The following CDC20B variants were observed in gnomAD, a reference collection of about 807,000 sequenced individuals.
The protein encoded by CDC20B is cell division cycle 20B.
Under a neutral mutation model 64.1 loss-of-function variants are expected in CDC20B, and 58 were observed. That is an observed-to-expected ratio of 0.90 (90% CI 0.73 to 1.13). CDC20B has a LOEUF of 1.13. CDC20B is among the 50% of genes most tolerant of loss of function. The pLI, the probability that CDC20B is intolerant of heterozygous loss-of-function variation, is 0.00. For missense variants in CDC20B, 597 were observed against 633.0 expected (o/e 0.94, Z 0.61); for synonymous variants, 243 against 230.6 (o/e 1.05, Z -0.49).
At position 55,140,375 on chromosome 5, in the gene CDC20B, G is replaced by C. The variant is rs148103908; in HGVS notation, c.519C>G (p.Asn173Lys). 6.2e-7 allele frequency: 1 copy of C among 1,613,070 alleles called. No individual in the cohort carries two copies. The highest frequency in any genetic ancestry group is 1.1e-5 in the South Asian group (1 of 90,908). Residue 173 changes from asparagine (N) to lysine (K), a missense_variant, in exon 5 of 12, where the codon AAC becomes AAG. Physicochemically the swap from Asn to Lys is moderately conservative, Grantham distance 94. Coordinates refer to ENST00000381375, the MANE Select transcript of CDC20B (RefSeq NM_001170402.1). ...TTTTTCCATTAGCCTGCTGAACCAC[G>C]TTCTGGGTTACAAAGAGTTGTTTTA... ...KCLKQLFVTQ[N>K]VVQQANGKMQ...
rs762490284 is a variant in CDC20B at position 55,127,293 on chromosome 5, A to G, written c.953T>C (p.Val318Ala). ...LRNMLGHLSV[V>A]GALSWNHFIL... ...AAAGTGATTCCAGCTCAGAGCCCCA[A>G]CTACTGACAAATGACCAAGCATATT... Residue 318 changes from valine to alanine, a missense_variant, in exon 8 of 12, where the codon GTT becomes GCT. Around this residue, in one of 3 missense-constraint regions of CDC20B, gnomAD observed 353 missense variants for 397.0 expected, o/e 0.89. Transcript: ENST00000381375. 6.2e-7 allele frequency: 1 copy of G among 1,614,128 alleles called. No homozygotes were observed. Among genetic ancestry groups the G allele is most frequent in the Non-Finnish European group, 8.5e-7 (1 of 1,179,978 alleles).
intron 2 of CDC20B, 149 bp from the exon 3 acceptor site, chr5:55,147,005 T>C: frequency 2.7e-6 from 1 of 372,372 alleles, no homozygotes; most frequent in Non-Finnish European, 4.7e-6. Flanking sequence ...AACCTAGATA[T>C]TATTTTATAT....
Position 55,146,802 on chromosome 5 carries a change from T to C in CDC20B, c.181A>G (p.Arg61Gly). The C allele has an allele frequency of 6.2e-7, 1 of 1,614,178 alleles. No individual in the cohort carries two copies. Among genetic ancestry groups the C allele is most frequent in the Non-Finnish European group, 8.5e-7 (1 of 1,180,034 alleles). Reference protein sequence around the residue: ...YSDFKSNFAKRLSAEVPVASS... With the variant: ...YSDFKSNFAKGLSAEVPVASS... ...GCAACAGGAACCTCTGCGGACAGCC[T>C]CTTCGCAAAGTTGCTCTTAAAGTCA... Residue 61 changes from arginine to glycine, a missense_variant, in exon 3 of 12, where the codon AGG becomes GGG. Arg to Gly is a moderately radical substitution (Grantham distance 125). Around this residue, in one of 3 missense-constraint regions of CDC20B, gnomAD observed 241 missense variants for 219.2 expected, o/e 1.10. Transcript: ENST00000381375.
Position 55,120,332 on chromosome 5 carries a change from G to A in CDC20B, c.1341+93C>T, listed in dbSNP as rs544684750. 2.4e-4 allele frequency: 343 copies of A among 1,434,976 alleles called. 2 individuals are homozygous for A. The African/African-American group carries it at 4.7e-3, about 20-fold the overall frequency. The allele number at this position is 1,434,976 out of a possible 1,614,324, so 88.9% of individuals were successfully genotyped here. On this transcript the variant is annotated intron_variant, in intron 10 of 11. Coordinates refer to ENST00000381375, the MANE Select transcript of CDC20B (RefSeq NM_001170402.1). ...ATTCCTTATGGACTCAATAGAGAAAGAGAGCTTGTTGGGGGCATAGGCTCT... is the reference window on the plus strand; with the variant it reads ...ATTCCTTATGGACTCAATAGAGAAAAAGAGCTTGTTGGGGGCATAGGCTCT...
Position 55,113,057 on chromosome 5 carries a change from C to G in CDC20B, c.*1161G>C, listed in dbSNP as rs1742544600. On this transcript the variant is annotated 3_prime_UTR_variant, in exon 12 of 12. Transcript: ENST00000381375. ...TACAGGCTAATGCCAAGAACTCAAA[C>G]CCAGGTAACATCATTTCAAAACACT... The G allele has an allele frequency of 6.6e-6, 1 of 152,104 alleles. No individual in the cohort carries two copies. Among genetic ancestry groups the G allele is most frequent in the African/African-American group, 2.4e-5 (1 of 41,414 alleles). 9.4% of individuals were successfully genotyped at this position (152,104 alleles called of 1,614,324 possible). A position where few individuals can be genotyped will look rare whatever the true frequency, so the allele number is the denominator to read the frequency against.
chr5:55,127,642 C>T (rs1018603292), intron 7 of CDC20B, among the ~76,000 whole-genome samples: 2 of 152,142 alleles, frequency 1.3e-5, no homozygotes, highest in South Asian at 2.1e-4. Context: ...AGAATTATTA[C>T]CACATTTCTA....
In CDC20B at chr5:55,114,277, G is replaced by A. The variant is rs767127067; in HGVS notation, c.1501C>T (p.Gln501Ter). ...RVLHLSLSPD[Q>*]TRVFSAAADG... The stretch of plus-strand genomic sequence containing the variant: ...GCTGCAGCAGAAAACACCCGGGTCT[G>A]GTCTGGACTCAAAGACAGGTGCAGC... Residue 501 changes from glutamine to a stop codon, truncating the protein, a stop_gained, in exon 12 of 12, where the codon CAG (glutamine) becomes TAG (stop). Transcript: ENST00000381375. LOFTEE classifies it high-confidence loss of function. The surrounding 1 kb of genome is among the most constrained non-coding windows in gnomAD (Gnocchi z 4.1). The A allele has an allele frequency of 1.9e-6, 3 of 1,614,008 alleles. No homozygotes were observed. Among genetic ancestry groups the A allele is most frequent in the South Asian group, 2.2e-5 (2 of 91,068 alleles).
At chr5:55,150,575 T>A (rs1163173390) in intron 2 of CDC20B, among the ~76,000 whole-genome samples, 2 of 152,074 alleles carry the variant, frequency 1.3e-5, no homozygotes, top group African/African-American at 2.4e-5. Context: ...TGGGGGTCAG[T>A]TTTTCTGTCT....
At chr5:55,152,532 G>A (rs1722439150) in intron 2 of CDC20B, among the ~76,000 whole-genome samples, 1 of 152,158 alleles carries the variant, frequency 6.6e-6, no homozygotes. Context: ...GGTAATTTTA[G>A]CAAGGATATA....
At chr5:55,116,243 G>C (rs532473981) in intron 11 of CDC20B, among the ~76,000 whole-genome samples, 2 of 152,120 alleles carry the variant, frequency 1.3e-5, no homozygotes, top group African/African-American at 4.8e-5. Flanking sequence ...TGTTTTAAAA[G>C]GATAAATATA....
At chr5:55,139,957 G>A (rs1743286026) in intron 5 of CDC20B, among the ~76,000 whole-genome samples, 1 of 152,120 alleles carries the variant, frequency 6.6e-6, no homozygotes, top group Non-Finnish European at 1.5e-5. Context: ...AACCCGGGAG[G>A]CAAAGGTTGC....
At chr5:55,124,160 C>A (rs1228234767) in intron 9 of CDC20B, among the ~76,000 whole-genome samples, 2 of 152,166 alleles carry the variant, frequency 1.3e-5, no homozygotes, top group African/African-American at 2.4e-5. Context: ...GAGCATTGAT[C>A]TAATTCCACA....
chr5:55,149,815 A>G (rs570648215), intron 2 of CDC20B, among the ~76,000 whole-genome samples: 15 of 152,200 alleles, frequency 9.9e-5, no homozygotes, highest in Non-Finnish European at 2.1e-4. Context: ...GAAATACACT[A>G]AAGACCACTG....
chr5:55,156,677 C>T (rs149389207), intron 2 of CDC20B, among the ~76,000 whole-genome samples: 1 of 152,060 alleles, frequency 6.6e-6, no homozygotes, highest in South Asian at 2.1e-4. Flanking sequence ...AGTTCATGAC[C>T]AGCCTGACTA....
chr5:55,116,157 C>CT (rs963332863), intron 11 of CDC20B, among the ~76,000 whole-genome samples: 2 of 151,960 alleles, frequency 1.3e-5, no homozygotes, highest in East Asian at 3.9e-4. Context: ...GAAAGAATCT[C>CT]TTTTTTTTAT....
At chr5:55,150,967 A>T (rs1014879090) in intron 2 of CDC20B, among the ~76,000 whole-genome samples, 49 of 152,058 alleles carry the variant, frequency 3.2e-4, no homozygotes, top group African/African-American at 1.1e-3. Flanking sequence ...GCTGGTCTTT[A>T]ACTCCTGGGC....
chr5:55,120,012 C>T, intron 10 of CDC20B, 94 bp from the exon 11 acceptor site: 1 of 890,552 alleles, frequency 1.1e-6, no homozygotes, highest in Non-Finnish European at 1.8e-6. Context: ...CTGTCCATGA[C>T]CCAACCTCCA....
At chr5:55,158,365 T>A (rs949470682) in intron 2 of CDC20B, among the ~76,000 whole-genome samples, 5 of 152,202 alleles carry the variant, frequency 3.3e-5, no homozygotes, top group African/African-American at 1.2e-4. Context: ...ATACAACACA[T>A]CTTACATACA....
rs150567358 is a variant in CDC20B, at chr5:55,128,224, C to T, written c.894+197G>A. On this transcript the variant is annotated intron_variant, in intron 7 of 11. Transcript: ENST00000381375. ...CAGAAAGATTGTGGTGGAAACTAAC[C>T]AGAGTATCCTTACGTTTTCATTAAA... is the stretch of plus-strand genomic sequence containing the variant. 2.5e-3 allele frequency among the ~76,000 whole-genome samples: 368 copies of T among 148,384 alleles called. 5 individuals are homozygous for T. Among genetic ancestry groups the T allele is most frequent in the Admixed American group, 0.022 (321 of 14,846 alleles).
Sources: allele counts gnomAD v4.1 joint callset (sites outside exome capture counted in the v4.1 genomes callset), GRCh38; gene constraint gnomAD v4.1.1; regional missense constraint gnomAD v4.1.1; non-coding constraint Gnocchi (gnomAD v3.1); transcripts MANE v1.5; gene names NCBI Gene and HGNC (gene_info 2026-07-23, HGNC 2026-07-21).